NALCN: variants seen among roughly 807,000 people sequenced by gnomAD.
NALCN encodes sodium leak channel NALCN.
NALCN carries 111 observed loss-of-function variants against 225.3 expected under a neutral mutation model. That is an observed-to-expected ratio of 0.49 (90% confidence interval 0.42 to 0.58). The LOEUF (loss-of-function observed/expected upper bound fraction) is 0.58. NALCN is among the 20% of genes least tolerant of loss of function. NALCN has a pLI of 0.00. For synonymous variants in NALCN, 764 were observed against 769.0 expected (o/e 0.99, Z 0.11); for missense variants, 1,378 against 2,202.4 (o/e 0.63, Z 7.49).
chr13:101,077,059 T>A (rs2033304687), intron 34 of NALCN, among the ~76,000 whole-genome samples: 1 of 109,124 alleles, frequency 9.2e-6, no homozygotes, highest in African/African-American at 2.8e-5. Flanking sequence ...TCTGATAGTT[T>A]TATAAGGGGC....
At chr13:101,318,690 AC>A (rs2044642230) in intron 7 of NALCN, among the ~76,000 whole-genome samples, 1 of 152,142 alleles carries the variant, frequency 6.6e-6, no homozygotes, top group African/African-American at 2.4e-5. Flanking sequence ...AAGGAAATCC[AC>A]CCCAGGGAAC....
In NALCN at chr13:101,139,619, G is replaced by A. The variant is rs535671735; in HGVS notation, c.2118+3461C>T. On this transcript the variant is annotated intron_variant, in intron 17 of 43. Transcript: ENST00000251127. The stretch of plus-strand genomic sequence containing the variant: ...GGGCTGGGTGGTTTTTTTTTTTCAC[G>A]TAGAGTGAAGAACCCTGCCTGTCAC... Among the ~76,000 whole-genome samples, 33 of 150,388 alleles carry A rather than the reference G, an allele frequency of 2.2e-4. 1 individual carries two copies. In the East Asian group the frequency reaches 3.7e-3, roughly 17 times the overall value.
chr13:101,089,625 A>C lies in NALCN; in HGVS notation c.3489+38T>G. On this transcript the variant is annotated intron_variant, in intron 30 of 43. Transcript: ENST00000251127. This position sits in a 1 kb window ranked among gnomAD's most constrained non-coding sequence, Gnocchi z 4.7. Reference sequence around the variant, plus strand: ...ATAGCTCAAAGTGAGTGGCTAGAAAAGGCTAAACCCTGTGGTATCCAAACC... The same window carrying C: ...ATAGCTCAAAGTGAGTGGCTAGAAACGGCTAAACCCTGTGGTATCCAAACC... 1 of 1,583,234 alleles carries C rather than the reference A, an allele frequency of 6.3e-7. No homozygotes were observed. The highest frequency in any genetic ancestry group is 2.2e-5 in the East Asian group (1 of 44,602).
intron 6 of NALCN, among the ~76,000 whole-genome samples, chr13:101,361,758 T>A (rs1238438026): frequency 6.6e-6 from 1 of 152,198 alleles, no homozygotes; most frequent in African/African-American, 2.4e-5. Flanking sequence ...ATAAAAGTTA[T>A]TTACCACTAA....
intron 28 of NALCN, among the ~76,000 whole-genome samples, 200 bp from the exon 29 acceptor site, chr13:101,090,166 T>C (rs1020302708): frequency 2.0e-5 from 3 of 152,158 alleles, no homozygotes; most frequent in African/African-American, 4.8e-5. Flanking sequence ...TTACGCTATA[T>C]GGCATTCGTT....
At position 101,111,188 on chromosome 13, in the gene NALCN, T is replaced by A; in HGVS notation, c.2231A>T (p.Glu744Val). ...TGACCTCTCCTTTGCGGGCTGCCCC[T>A]CAAATGATCCGCTCAGCATGCGCTG... ...TRQRMLSGSF[E>V]GQPAKERSIL... The change falls in exon 19 of 44, where the codon GAG (glutamate) becomes GTG (valine). Residue 744 changes from glutamate (E) to valine (V), a missense_variant. Around this residue, in one of 19 missense-constraint regions of NALCN, gnomAD observed 66 missense variants for 85.7 expected, o/e 0.77. Transcript: ENST00000251127. 3 of 1,607,926 alleles carry A rather than the reference T, an allele frequency of 1.9e-6. No homozygotes were observed. The highest frequency in any genetic ancestry group is 2.6e-6 in the Non-Finnish European group (3 of 1,175,642).
chr13:101,139,230 G>C (rs1011164419), intron 17 of NALCN, among the ~76,000 whole-genome samples: 1 of 152,190 alleles, frequency 6.6e-6, no homozygotes, highest in Non-Finnish European at 1.5e-5. Context: ...ACTCATCCCT[G>C]TTCAAAGCTT....
chr13:101,359,134 T>G (rs1422822358), intron 6 of NALCN, among the ~76,000 whole-genome samples: 1 of 152,118 alleles, frequency 6.6e-6, no homozygotes, highest in African/African-American at 2.4e-5. Context: ...CCATGGCACA[T>G]GTATACCTAG....
At chr13:101,093,469 C>T (rs754425995) in intron 28 of NALCN, among the ~76,000 whole-genome samples, 1 of 152,174 alleles carries the variant, frequency 6.6e-6, no homozygotes. Flanking sequence ...GTCTATTTCA[C>T]TACAATCCAA....
At chr13:101,098,067 G>A (rs977790085) in intron 27 of NALCN, among the ~76,000 whole-genome samples, 4 of 151,944 alleles carry the variant, frequency 2.6e-5, no homozygotes, top group Non-Finnish European at 5.9e-5. Flanking sequence ...CTCCTTGTTC[G>A]GTCCCTGCCT....
intron 40 of NALCN, among the ~76,000 whole-genome samples, chr13:101,063,869 A>AT (rs2032158091): frequency 6.6e-6 from 1 of 151,848 alleles, no homozygotes; most frequent in African/African-American, 2.4e-5. Flanking sequence ...AGTCGCTCTT[A>AT]TTTTTTTCTG....
chr13:101,254,046 A>G (rs371050336), intron 11 of NALCN, among the ~76,000 whole-genome samples: 15 of 152,330 alleles, frequency 9.8e-5, no homozygotes, highest in Admixed American at 7.8e-4. Context: ...ATCTGAATAA[A>G]AACGAAACAT....
chr13:101,131,083 ATCTGAGGTC>A (rs918292317), intron 17 of NALCN, among the ~76,000 whole-genome samples: 52 of 152,052 alleles, frequency 3.4e-4, no homozygotes, highest in African/African-American at 1.3e-3. Flanking sequence ...CTTTTGAATC[ATCTGAGGTC>A]TCTTTATGTT....
chr13:101,273,627 A>G (rs1334401537), intron 10 of NALCN, among the ~76,000 whole-genome samples: 1 of 152,152 alleles, frequency 6.6e-6, no homozygotes, highest in Non-Finnish European at 1.5e-5. Context: ...CACTTAGAAA[A>G]ATCAACAGAT....
chr13:101,353,443 C>T (rs372368847), intron 6 of NALCN, among the ~76,000 whole-genome samples: 1 of 152,168 alleles, frequency 6.6e-6, no homozygotes, highest in Non-Finnish European at 1.5e-5. Flanking sequence ...TTATAAACTC[C>T]TATGAATTGG....
intron 6 of NALCN, among the ~76,000 whole-genome samples, chr13:101,366,702 T>C (rs1288095391): frequency 2.0e-5 from 3 of 152,248 alleles, no homozygotes; most frequent in Admixed American, 6.5e-5. Context: ...GATGTTTTGA[T>C]GTATGTATAC....
intron 42 of NALCN, chr13:101,058,419 G>GTTTTTTTTTTAAT: frequency 5.1e-6 from 1 of 196,142 alleles, no homozygotes; most frequent in African/African-American, 2.4e-5. Flanking sequence ...GGACGGGCTG[G>GTTTTTTTTTTAAT]GCGGGGGCAG....
intron 28 of NALCN, among the ~76,000 whole-genome samples, chr13:101,095,325 T>C (rs1037589423): frequency 4.6e-5 from 7 of 152,166 alleles, no homozygotes; most frequent in African/African-American, 1.7e-4. Context: ...TCTGAAGTAT[T>C]AGAAAAATAC....
At chr13:101,163,224 T>A (rs948567143) in intron 15 of NALCN, among the ~76,000 whole-genome samples, 1 of 152,072 alleles carries the variant, frequency 6.6e-6, no homozygotes, top group African/African-American at 2.4e-5. Context: ...ATATTTTAAT[T>A]GAAGGGTTAC....
Sources: gnomAD v4.1 joint callset for allele counts (sites outside exome capture counted in the v4.1 genomes callset) on GRCh38, gnomAD v4.1.1 for gene constraint, gnomAD v4.1.1 regional missense constraint, Gnocchi (gnomAD v3.1) non-coding constraint, MANE v1.5 for transcripts, NCBI Gene and HGNC (gene_info 2026-07-23, HGNC 2026-07-21) for gene names.